Variants in GFRA1 observed in about 807,000 individuals in gnomAD.
GFRA1 encodes the protein GDNF family receptor alpha-1.
GFRA1 carries 16 observed loss-of-function variants against 51.6 expected under a neutral mutation model. The ratio of observed to expected loss-of-function variants is 0.31; its 90% CI spans 0.21 to 0.47. GFRA1 has a LOEUF of 0.47. GFRA1 is among the 20% of genes least tolerant of loss of function. The probability of loss-of-function intolerance (pLI) is 1.00; values close to 1 mark genes in which losing one functional copy is unlikely to be tolerated. For missense variants in GFRA1, 530 were observed against 594.3 expected, an observed-to-expected ratio of 0.89 and a Z score of 1.13; for synonymous variants, 270 against 241.3, an observed-to-expected ratio of 1.12 and a Z score of -1.10.
At position 116,064,270 on chromosome 10, in the gene GFRA1, G is replaced by A. The variant is rs1397246802; in HGVS notation, c.*128C>T. On this transcript the variant is annotated 3_prime_UTR_variant, in exon 11 of 11. Coordinates refer to ENST00000355422, the MANE Select transcript of GFRA1 (RefSeq NM_005264.8). ...TTTCTTAAAAGGAAAAAAAAAAAAT[G>A]TTCCAGTTGAATGGAACTGTTTCTC... 3 of 776,418 alleles carry A rather than the reference G, an allele frequency of 3.9e-6. No individual in the cohort carries two copies. Among genetic ancestry groups the A allele is most frequent in the Non-Finnish European group, 6.3e-6 (3 of 475,958 alleles). The allele number at this position is 776,418 out of a possible 1,614,324, so 48.1% of individuals were successfully genotyped here. A position where few individuals can be genotyped will look rare whatever the true frequency, so the allele number is the denominator to read the frequency against.
intron 9 of GFRA1, among the ~76,000 whole-genome samples, chr10:116,066,769 A>C (rs959874577): frequency 1.3e-5 from 2 of 152,132 alleles, no homozygotes; most frequent in Non-Finnish European, 1.5e-5. Flanking sequence ...ATCCCCAGCA[A>C]CAGGAGCCGT....
intron 6 of GFRA1, among the ~76,000 whole-genome samples, chr10:116,110,712 G>A (rs550452347): frequency 7.0e-4 from 107 of 152,272 alleles, no homozygotes; most frequent in African/African-American, 2.3e-3. Flanking sequence ...GCAACAAACC[G>A]TTCAATTACC....
At chr10:116,065,371 C>G (rs567297284) in intron 10 of GFRA1, among the ~76,000 whole-genome samples, 2 of 152,268 alleles carry the variant, frequency 1.3e-5, no homozygotes, top group South Asian at 4.2e-4. Flanking sequence ...GATTCCAGGT[C>G]CCATGCTTAC....
intron 5 of GFRA1, among the ~76,000 whole-genome samples, chr10:116,186,451 A>T (rs1408594504): frequency 3.3e-5 from 5 of 152,116 alleles, no homozygotes; most frequent in Non-Finnish European, 7.4e-5. Context: ...GAGCAGGCAC[A>T]CTTACAAAAT....
At chr10:116,183,620 C>T (rs184241362) in intron 5 of GFRA1, among the ~76,000 whole-genome samples, 27 of 152,254 alleles carry the variant, frequency 1.8e-4, no homozygotes, top group Admixed American at 1.6e-3. Context: ...TTCTCCCTTT[C>T]CCCAGCCCTC....
chr10:116,090,855 C>T (rs1433187887), intron 8 of GFRA1, among the ~76,000 whole-genome samples: 1 of 152,044 alleles, frequency 6.6e-6, no homozygotes, highest in African/African-American at 2.4e-5. Flanking sequence ...ATAATTTAAG[C>T]CTAATCTTCC....
intron 5 of GFRA1, among the ~76,000 whole-genome samples, chr10:116,188,101 A>G (rs1182878679): frequency 1.3e-5 from 2 of 152,150 alleles, no homozygotes; most frequent in South Asian, 2.1e-4. Flanking sequence ...AGGAAATGAA[A>G]GGGAGCAAGC....
chr10:116,212,391 G>A, intron 4 of GFRA1, among the ~76,000 whole-genome samples: 1 of 151,934 alleles, frequency 6.6e-6, no homozygotes, highest in Middle Eastern at 3.2e-3. Flanking sequence ...GCAGTGGTGG[G>A]TGCCTGTAAT....
chr10:116,196,019 C>T (rs1327547731), intron 5 of GFRA1, among the ~76,000 whole-genome samples: 1 of 152,008 alleles, frequency 6.6e-6, no homozygotes, highest in African/African-American at 2.4e-5. Context: ...AACACCTGGC[C>T]CTGTTCTAGA....
intron 6 of GFRA1, among the ~76,000 whole-genome samples, chr10:116,111,065 G>A (rs1957191084): frequency 2.0e-5 from 3 of 152,182 alleles, no homozygotes; most frequent in Admixed American, 6.5e-5. Context: ...TGACAACCAA[G>A]GGTGCTTCTA....
intron 4 of GFRA1, among the ~76,000 whole-genome samples, chr10:116,244,307 T>C (rs1267510720): frequency 6.8e-6 from 1 of 147,892 alleles, no homozygotes; most frequent in East Asian, 1.9e-4. Flanking sequence ...GAAGAAAAAT[T>C]ATAATATATA....
At chr10:116,124,989 A>G (rs1413386495) in intron 6 of GFRA1, among the ~76,000 whole-genome samples, 1 of 152,132 alleles carries the variant, frequency 6.6e-6, no homozygotes, top group African/African-American at 2.4e-5. Context: ...CATCCCTCAA[A>G]GCATTCTCAG....
intron 5 of GFRA1, among the ~76,000 whole-genome samples, chr10:116,139,814 A>C (rs1363731872): frequency 6.6e-6 from 1 of 152,246 alleles, no homozygotes; most frequent in Non-Finnish European, 1.5e-5. Context: ...ATCGGAGCAC[A>C]GCCTGGGTCC....
intron 5 of GFRA1, among the ~76,000 whole-genome samples, chr10:116,171,360 G>A (rs2134229141): frequency 6.6e-6 from 1 of 152,276 alleles, no homozygotes; most frequent in South Asian, 2.1e-4. Context: ...TAAACTCGGA[G>A]CAACTGTACC....
At chr10:116,175,990 T>C (rs74160643) in intron 5 of GFRA1, among the ~76,000 whole-genome samples, 11,677 of 152,186 alleles carry the variant, frequency 0.077, 485 homozygotes, top group South Asian at 0.12. Flanking sequence ...GGGCTACTAA[T>C]GTCTGATGCA....
chr10:116,137,730 G>A (rs1305471914), intron 5 of GFRA1, among the ~76,000 whole-genome samples: 1 of 152,206 alleles, frequency 6.6e-6, no homozygotes, highest in Non-Finnish European at 1.5e-5. Context: ...AGTAAATGGA[G>A]CTGCACTCAA....
intron 5 of GFRA1, among the ~76,000 whole-genome samples, chr10:116,167,327 G>A (rs568143796): frequency 6.6e-6 from 1 of 152,172 alleles, no homozygotes; most frequent in East Asian, 1.9e-4. Flanking sequence ...GGCTCCATTA[G>A]GCCTTCCCTT....
chr10:116,246,077 C>A (rs116883207), intron 4 of GFRA1, among the ~76,000 whole-genome samples: 6 of 152,230 alleles, frequency 3.9e-5, no homozygotes, highest in Admixed American at 6.5e-5. Context: ...AAACTATGAA[C>A]TTTGGTTAAT....
chr10:116,107,639 C>T (rs913285038), intron 6 of GFRA1, among the ~76,000 whole-genome samples: 4 of 152,206 alleles, frequency 2.6e-5, no homozygotes, highest in South Asian at 2.1e-4. Context: ...TACCTGTGGA[C>T]CCTCTACTGG....
Sources: allele counts gnomAD v4.1 joint callset (sites outside exome capture counted in the v4.1 genomes callset), GRCh38; gene constraint gnomAD v4.1.1; transcripts MANE v1.5; gene names NCBI Gene and HGNC (gene_info 2026-07-23, HGNC 2026-07-21).